DEPDC5: variants seen among roughly 807,000 people sequenced by gnomAD.
DEPDC5 encodes GATOR1 complex protein DEPDC5.
In DEPDC5, 73 loss-of-function variants were observed where a neutral mutation model predicts 217.3. That is an observed-to-expected ratio of 0.34 (90% CI 0.28 to 0.41). DEPDC5 has a LOEUF of 0.41. Ranked by LOEUF, DEPDC5 falls within the 10% of genes least tolerant of loss-of-function variation. DEPDC5 has a pLI of 1.00. For synonymous variants in DEPDC5, 733 were observed against 756.7 expected, an observed-to-expected ratio of 0.97 and a Z score of 0.51; for missense variants, 1,675 against 2,070.1, an observed-to-expected ratio of 0.81 and a Z score of 3.70.
intron 14 of DEPDC5, among the ~76,000 whole-genome samples, chr22:31,799,219 A>G (rs898202375): frequency 1.1e-4 from 16 of 150,608 alleles, no homozygotes; most frequent in Admixed American, 7.3e-4. Flanking sequence ...AATTTTGTAT[A>G]TTTTTAGGAG....
At chr22:31,758,245 G>A (rs1315772560) in intron 2 of DEPDC5, among the ~76,000 whole-genome samples, 1 of 152,146 alleles carries the variant, frequency 6.6e-6, no homozygotes, top group African/African-American at 2.4e-5. Context: ...GGGGGTAAAA[G>A]GCTGTCCAGA....
chr22:31,820,913 C>T (rs2089633445), intron 22 of DEPDC5, among the ~76,000 whole-genome samples: 1 of 152,178 alleles, frequency 6.6e-6, no homozygotes, highest in Admixed American at 6.5e-5. Flanking sequence ...GCACGTTTTG[C>T]CTCTTTCAGG....
chr22:31,878,906 G>C (rs1472736432), intron 37 of DEPDC5, among the ~76,000 whole-genome samples: 2 of 150,968 alleles, frequency 1.3e-5, no homozygotes, highest in African/African-American at 4.9e-5. Context: ...GCGTGGTGGC[G>C]CATGTTGCTA....
At chr22:31,763,149 C>G (rs1437424650) in intron 4 of DEPDC5, among the ~76,000 whole-genome samples, 1 of 152,094 alleles carries the variant, frequency 6.6e-6, no homozygotes, top group Non-Finnish European at 1.5e-5. Flanking sequence ...CGCCACCACA[C>G]CTGGCTAATT....
At position 31,809,848 on chromosome 22, in the gene DEPDC5, G is replaced by C. The variant is rs62238907; in HGVS notation, c.1324+201G>C. On this transcript the variant is annotated intron_variant, in intron 19 of 42. Coordinates refer to ENST00000651528, the MANE Select transcript of DEPDC5 (RefSeq NM_001242896.3). The stretch of plus-strand genomic sequence containing the variant: ...ACAAAAAAAATTAGCTGGGTGTGAT[G>C]GTGGGTGCCTGTAATCCCAGCTACT... Among the ~76,000 whole-genome samples the C allele has an allele frequency of 0.069, 10,507 of 152,178 alleles. 392 individuals are homozygous for C. Among genetic ancestry groups the C allele is most frequent in the Non-Finnish European group, 0.083 (5,674 of 68,002 alleles).
Position 31,768,832 on chromosome 22 carries a change from A to G in DEPDC5, c.382A>G (p.Ile128Val), listed in dbSNP as rs1403074764. The change falls in exon 7 of 43, where the codon ATC becomes GTC. Residue 128 changes from isoleucine to valine, a missense_variant. Around this residue, in one of 11 missense-constraint regions of DEPDC5, gnomAD observed 628 missense variants for 762.1 expected, o/e 0.82. Coordinates refer to ENST00000651528, the MANE Select transcript of DEPDC5 (RefSeq NM_001242896.3). ...KKSLVSTCAY[I>V]TQKVEFAGIR... is the part of the protein sequence containing the mutation. ...CTCTTAGGTCAGCACATGTGCCTAT[A>G]TCACCCAGAAGGTGGAGTTTGCTGG... The G allele has an allele frequency of 6.2e-7, 1 of 1,613,362 alleles. No homozygotes were observed. The highest frequency in any genetic ancestry group is 1.1e-5 in the South Asian group (1 of 90,978).
intron 33 of DEPDC5, among the ~76,000 whole-genome samples, chr22:31,864,899 C>T (rs1700771308): frequency 6.6e-6 from 1 of 152,140 alleles, no homozygotes; most frequent in Middle Eastern, 3.4e-3. Context: ...CCATGCTGGC[C>T]AGGCTGGTCT....
At chr22:31,791,988 T>A in intron 10 of DEPDC5, 45 bp from the exon 11 acceptor site, 1 of 1,191,486 alleles carries the variant, frequency 8.4e-7, no homozygotes, top group South Asian at 1.3e-5. Context: ...CATAGTGAAG[T>A]AAATGAAACA....
intron 14 of DEPDC5, 123 bp downstream of exon 14, chr22:31,798,779 A>AC (rs2148589423): frequency 1.2e-6 from 1 of 849,158 alleles, no homozygotes; most frequent in African/African-American, 1.7e-5. Flanking sequence ...AGAATTCAGG[A>AC]CCAGTCCACA....
chr22:31,879,827 A>G (rs1602680569), intron 38 of DEPDC5, 75 bp downstream of exon 38: 1 of 1,382,034 alleles, frequency 7.2e-7, no homozygotes, highest in Non-Finnish European at 1.0e-6. Flanking sequence ...CAGCCAAGGG[A>G]ACGATGCCAC....
intron 4 of DEPDC5, among the ~76,000 whole-genome samples, chr22:31,764,404 C>T (rs1164019749): frequency 6.6e-6 from 1 of 151,710 alleles, no homozygotes; most frequent in African/African-American, 2.4e-5. Flanking sequence ...ACTTTCTTAT[C>T]TTCCTTCTTA....
chr22:31,813,704 T>C (rs2088716761), intron 20 of DEPDC5, among the ~76,000 whole-genome samples: 2 of 151,020 alleles, frequency 1.3e-5, no homozygotes, highest in Admixed American at 6.6e-5. Flanking sequence ...TATATATGCA[T>C]ATATAAACTT....
intron 31 of DEPDC5, among the ~76,000 whole-genome samples, chr22:31,856,606 T>C (rs1359025469): frequency 2.0e-5 from 3 of 152,100 alleles, no homozygotes; most frequent in Non-Finnish European, 2.9e-5. Context: ...TGGGGTGAGA[T>C]GTCGTAAGGA....
chr22:31,801,015 G>A (rs565457523), intron 14 of DEPDC5, among the ~76,000 whole-genome samples: 78 of 150,152 alleles, frequency 5.2e-4, no homozygotes, highest in Non-Finnish European at 9.0e-4. Context: ...TAAATAGGCT[G>A]GCTGCAGTGG....
intron 33 of DEPDC5, among the ~76,000 whole-genome samples, chr22:31,866,810 C>G (rs1207136028): frequency 6.6e-6 from 1 of 152,132 alleles, no homozygotes; most frequent in Non-Finnish European, 1.5e-5. Context: ...TACAGATACT[C>G]AAAAAGAATA....
chr22:31,798,711 A>G, intron 14 of DEPDC5, 55 bp downstream of exon 14: 1 of 1,559,124 alleles, frequency 6.4e-7, no homozygotes, highest in Non-Finnish European at 8.8e-7. Context: ...TGGCTATGTT[A>G]CCGGAAAGGT....
intron 37 of DEPDC5, among the ~76,000 whole-genome samples, chr22:31,879,043 A>AAAAAAAAAATAT (rs763615141): frequency 1.7e-5 from 2 of 119,470 alleles, no homozygotes; most frequent in Non-Finnish European, 3.3e-5. Flanking sequence ...AAAAAAAAAA[A>AAAAAAAAAATAT]ATATATATAT....
chr22:31,822,837 C>G (rs374346098), intron 24 of DEPDC5, 47 bp downstream of exon 24: 2 of 1,578,838 alleles, frequency 1.3e-6, no homozygotes, highest in Non-Finnish European at 1.7e-6. Context: ...AGATCAGGCT[C>G]ACATCTGGAA....
Position 31,758,643 on chromosome 22 carries a change from T to C in DEPDC5, c.146+10T>C, listed in dbSNP as rs2082130352. On this transcript the variant is annotated intron_variant, in intron 3 of 42. Transcript: ENST00000651528. ...CCAACGATGAATACAGGTGAGTGTC[T>C]CATAGGATCCATGGAACTGGGCAAT... 3 of 1,612,252 alleles carry C rather than the reference T, an allele frequency of 1.9e-6. No homozygotes were observed. The East Asian group carries it at 6.7e-5, about 36-fold the overall frequency.
Sources: allele counts gnomAD v4.1 joint callset (sites outside exome capture counted in the v4.1 genomes callset), GRCh38; gene constraint gnomAD v4.1.1; regional missense constraint gnomAD v4.1.1; transcripts MANE v1.5; gene names NCBI Gene and HGNC (gene_info 2026-07-23, HGNC 2026-07-21).